The following DYM variants were observed in gnomAD, a reference collection of about 807,000 sequenced individuals.
DYM encodes dyggve-Melchior-Clausen syndrome protein.
A neutral mutation model predicts 93.1 loss-of-function variants in DYM; 78 were observed. The ratio of observed to expected loss-of-function variants is 0.84; its 90% CI spans 0.70 to 1.01. The LOEUF (loss-of-function observed/expected upper bound fraction) is 1.01. Among genes scored for constraint, DYM ranks in the 50% least tolerant of loss-of-function variants. The pLI, the probability that DYM is intolerant of heterozygous loss-of-function variation, is 0.00. For missense variants in DYM, 789 were observed against 845.0 expected (o/e 0.93, Z 0.82); for synonymous variants, 321 against 319.7 (o/e 1.00, Z -0.04).
At chr18:49,421,430 G>C (rs1420393355) in intron 2 of DYM, among the ~76,000 whole-genome samples, 1 of 152,208 alleles carries the variant, frequency 6.6e-6, no homozygotes, top group Non-Finnish European at 1.5e-5. Context: ...ACCTGCAGCT[G>C]AGGGTCCTGA....
chr18:49,157,067 G>GACCTTGGGAATTCCAAGGTCAGGAAGC (rs1568512824), intron 15 of DYM, among the ~76,000 whole-genome samples: 6 of 152,222 alleles, frequency 3.9e-5, no homozygotes, highest in African/African-American at 1.2e-4. Flanking sequence ...GGACATGCCT[G>GACCTTGGGAATTCCAAGGTCAGGAAGC]ACCTTGGGAA....
intron 12 of DYM, among the ~76,000 whole-genome samples, chr18:49,257,818 T>C (rs2094418558): frequency 6.6e-6 from 1 of 151,728 alleles, no homozygotes; most frequent in South Asian, 2.1e-4. Context: ...ACTGCACTCC[T>C]GTGCAGCCTA....
chr18:49,227,241 T>C (rs993898865), intron 13 of DYM, among the ~76,000 whole-genome samples: 2 of 152,160 alleles, frequency 1.3e-5, no homozygotes, highest in Non-Finnish European at 2.9e-5. Flanking sequence ...CCTAAAAAAC[T>C]GAGCTCTAAG....
chr18:49,380,199 T>C (rs1293340352), intron 3 of DYM, among the ~76,000 whole-genome samples: 3 of 152,056 alleles, frequency 2.0e-5, no homozygotes, highest in Non-Finnish European at 4.4e-5. Context: ...GAATGAAAAA[T>C]TAAGAAAACA....
intron 13 of DYM, among the ~76,000 whole-genome samples, chr18:49,221,457 G>A (rs540739131): frequency 2.5e-4 from 38 of 152,122 alleles, no homozygotes; most frequent in African/African-American, 7.7e-4. Flanking sequence ...ACATGCACAC[G>A]TATGTTTATT....
intron 14 of DYM, among the ~76,000 whole-genome samples, chr18:49,200,024 G>T (rs376859469): frequency 1.3e-5 from 2 of 151,962 alleles, no homozygotes; most frequent in East Asian, 1.9e-4. Context: ...ATCTATGAAA[G>T]TTCTAAAATA....
At chr18:49,334,185 T>C (rs1168771843) in intron 6 of DYM, among the ~76,000 whole-genome samples, 1 of 152,210 alleles carries the variant, frequency 6.6e-6, no homozygotes, top group Non-Finnish European at 1.5e-5. Context: ...CTATGTTCAT[T>C]TCTGTTTAGT....
intron 3 of DYM, among the ~76,000 whole-genome samples, chr18:49,383,286 A>T (rs1043112383): frequency 1.3e-5 from 2 of 151,540 alleles, no homozygotes; most frequent in Non-Finnish European, 2.9e-5. Context: ...AGATAGTGGT[A>T]TTTTTTTTTA....
At chr18:49,432,329 C>CAAAAAAAAAAAAAAA (rs11429840) in intron 1 of DYM, among the ~76,000 whole-genome samples, 2 of 75,808 alleles carry the variant, frequency 2.6e-5, no homozygotes, top group African/African-American at 4.4e-5. Context: ...AAGACTGTCT[C>CAAAAAAAAAAAAAAA]AAAAAAAAAA....
chr18:49,072,893 C>G (rs923423469), intron 17 of DYM, among the ~76,000 whole-genome samples: 2 of 152,194 alleles, frequency 1.3e-5, no homozygotes, highest in Non-Finnish European at 2.9e-5. Flanking sequence ...TTCCATTAGA[C>G]TAGGCTCTTA....
At position 49,378,557 on chromosome 18, in the gene DYM, C is replaced by T; in HGVS notation, c.421+10G>A. The T allele has an allele frequency of 6.2e-7, 1 of 1,604,664 alleles. No individual in the cohort carries two copies. Among genetic ancestry groups the T allele is most frequent in the Non-Finnish European group, 8.5e-7 (1 of 1,171,984 alleles). On this transcript the variant is annotated intron_variant, in intron 5 of 17. Transcript: ENST00000675505. ...GATATATCCAGAACATCTTTAAAAACAATACTTACTGTAATTGCCAGGAGA... is the reference window on the plus strand; with the variant it reads ...GATATATCCAGAACATCTTTAAAAATAATACTTACTGTAATTGCCAGGAGA...
At chr18:49,086,903 G>C (rs1245097880) in intron 17 of DYM, among the ~76,000 whole-genome samples, 2 of 152,024 alleles carry the variant, frequency 1.3e-5, no homozygotes, top group Non-Finnish European at 2.9e-5. Context: ...TAGGAGAATT[G>C]CTTGAACCCA....
At chr18:49,209,773 A>C in intron 13 of DYM, 58 bp from the exon 14 acceptor site, 1 of 1,125,020 alleles carries the variant, frequency 8.9e-7, no homozygotes, top group Non-Finnish European at 1.1e-6. Flanking sequence ...CTTTGAAAAA[A>C]TAAATCATTT....
At chr18:49,202,627 G>C (rs1386333541) in intron 14 of DYM, among the ~76,000 whole-genome samples, 1 of 118,364 alleles carries the variant, frequency 8.4e-6, no homozygotes, top group South Asian at 3.6e-4. Flanking sequence ...GAGATGTGGG[G>C]AGCGCCTCTG....
chr18:49,434,346 CA>C (rs60975784), intron 1 of DYM, among the ~76,000 whole-genome samples: 33,043 of 134,432 alleles, frequency 0.25, 4,044 homozygotes, highest in East Asian at 0.41. Context: ...GACTCCATCT[CA>C]AAAAAAAAAA....
At chr18:49,308,290 G>GTATA (rs3061689) in intron 8 of DYM, among the ~76,000 whole-genome samples, 114 of 145,306 alleles carry the variant, frequency 7.8e-4, no homozygotes, top group African/African-American at 2.6e-3. Flanking sequence ...ACTTGTGTGT[G>GTATA]TATATATATA....
At chr18:49,095,006 T>C (rs2079416234) in intron 17 of DYM, among the ~76,000 whole-genome samples, 1 of 152,188 alleles carries the variant, frequency 6.6e-6, no homozygotes, top group Non-Finnish European at 1.5e-5. Flanking sequence ...CACATTTTCA[T>C]AGAGGGCTTA....
chr18:49,066,644 T>C (rs2076410388), intron 17 of DYM, among the ~76,000 whole-genome samples: 1 of 152,218 alleles, frequency 6.6e-6, no homozygotes, highest in African/African-American at 2.4e-5. Flanking sequence ...GGAGAGAGTA[T>C]GCATATACAT....
intron 11 of DYM, among the ~76,000 whole-genome samples, chr18:49,261,370 G>A (rs1266325021): frequency 6.6e-6 from 1 of 152,186 alleles, no homozygotes; most frequent in Non-Finnish European, 1.5e-5. Flanking sequence ...GAATTGAAAA[G>A]TAAAAAATAT....
Sources: allele counts gnomAD v4.1 joint callset (sites outside exome capture counted in the v4.1 genomes callset), GRCh38; gene constraint gnomAD v4.1.1; transcripts MANE v1.5; gene names NCBI Gene and HGNC (gene_info 2026-07-23, HGNC 2026-07-21).